Variants in RAPGEF4 observed in about 807,000 individuals in gnomAD.
The protein encoded by RAPGEF4 is Rap guanine nucleotide exchange factor 4.
A neutral mutation model predicts 147.9 loss-of-function variants in RAPGEF4; 66 were observed. The ratio of observed to expected loss-of-function variants is 0.45; its 90% CI spans 0.37 to 0.55. RAPGEF4 has a LOEUF of 0.55. Among genes scored for constraint, RAPGEF4 ranks in the 20% least tolerant of loss-of-function variants. The probability of loss-of-function intolerance (pLI) is 0.00; values close to 1 mark genes in which losing one functional copy is unlikely to be tolerated. For synonymous variants in RAPGEF4, 419 were observed against 442.7 expected (o/e 0.95, Z 0.67); for missense variants, 1,071 against 1,257.3 (o/e 0.85, Z 2.24).
rs1181316803 is a variant in RAPGEF4 at position 172,795,009 on chromosome 2, T to C, written c.66-16T>C. On this transcript the variant is annotated splice_polypyrimidine_tract_variant and intron_variant, in intron 1 of 30. Coordinates refer to ENST00000397081, the MANE Select transcript of RAPGEF4 (RefSeq NM_007023.4). ...TCTTTACTGACATAGCTTTTGTGCC[T>C]TTTCTCCCTATACAGACCACTGGAG... 6.3e-7 allele frequency: 1 copy of C among 1,589,340 alleles called. No homozygotes were observed. The highest frequency in any genetic ancestry group is 2.3e-5 in the East Asian group (1 of 44,226).
chr2:172,754,582 G>A (rs1325194713), intron 1 of RAPGEF4, among the ~76,000 whole-genome samples: 4 of 152,062 alleles, frequency 2.6e-5, no homozygotes, highest in African/African-American at 7.2e-5. Context: ...TAAATTACTC[G>A]TCCAGGGTCA....
At chr2:172,766,390 A>G (rs944383140) in intron 1 of RAPGEF4, among the ~76,000 whole-genome samples, 1 of 152,106 alleles carries the variant, frequency 6.6e-6, no homozygotes, top group Non-Finnish European at 1.5e-5. Context: ...CGTCTCTACT[A>G]AAAATACTAA....
Position 172,990,841 on chromosome 2 carries a change from A to T in RAPGEF4, c.1406A>T (p.Glu469Val). 1 of 1,614,034 alleles carries T rather than the reference A, an allele frequency of 6.2e-7. No individual in the cohort carries two copies. The highest frequency in any genetic ancestry group is 8.5e-7 in the Non-Finnish European group (1 of 1,179,944). ...GAGGCGAATACAGTCAGACTTAAAG[A>T]ACATGACCAAGATGTCTTGGTGCTG... ...DVEANTVRLK[E>V]HDQDVLVLEK... The change falls in exon 15 of 31, where the codon GAA becomes GTA. Residue 469 changes from glutamate (E) to valine (V), a missense_variant. Glu to Val is a moderately radical substitution (Grantham distance 121). Coordinates refer to ENST00000397081, the MANE Select transcript of RAPGEF4 (RefSeq NM_007023.4).
chr2:172,811,765 G>T (rs1228043636), intron 3 of RAPGEF4, among the ~76,000 whole-genome samples: 1 of 152,124 alleles, frequency 6.6e-6, no homozygotes, highest in African/African-American at 2.4e-5. Context: ...TATTCATCCT[G>T]TCCATTCTTA....
intron 29 of RAPGEF4, among the ~76,000 whole-genome samples, chr2:173,047,614 C>T (rs879769626): frequency 1.3e-5 from 2 of 151,768 alleles, no homozygotes; most frequent in Non-Finnish European, 2.9e-5. Flanking sequence ...CAAGATTACT[C>T]TGTGAAGTAA....
chr2:173,042,957 G>A lies in RAPGEF4; in HGVS notation c.2854-5643G>A, dbSNP rs1684951005. On this transcript the variant is annotated intron_variant, in intron 29 of 30. Transcript: ENST00000397081. The surrounding 1 kb of genome is among the most constrained non-coding windows in gnomAD (Gnocchi z 4.2). ...ATACTAAAGATCTGTAGGGAGACCGGACTCAGGGCTCCTCCTCAATGATGC... is the reference window on the plus strand; with the variant it reads ...ATACTAAAGATCTGTAGGGAGACCGAACTCAGGGCTCCTCCTCAATGATGC... Among the ~76,000 whole-genome samples the A allele has an allele frequency of 6.6e-6, 1 of 152,214 alleles. No individual in the cohort carries two copies. The highest frequency in any genetic ancestry group is 1.5e-5 in the Non-Finnish European group (1 of 68,038).
intron 1 of RAPGEF4, among the ~76,000 whole-genome samples, chr2:172,740,501 G>A (rs958408063): frequency 6.6e-6 from 1 of 152,180 alleles, no homozygotes; most frequent in Non-Finnish European, 1.5e-5. Context: ...CCAAATAGAT[G>A]TTATTTTAGC....
At chr2:172,822,798 C>T (rs1053963209) in intron 4 of RAPGEF4, among the ~76,000 whole-genome samples, 1 of 152,246 alleles carries the variant, frequency 6.6e-6, no homozygotes, top group Non-Finnish European at 1.5e-5. Flanking sequence ...CTCCCCTGCA[C>T]TGTTCTCTTA....
At chr2:172,754,011 T>TG (rs1401901379) in intron 1 of RAPGEF4, among the ~76,000 whole-genome samples, 1 of 152,228 alleles carries the variant, frequency 6.6e-6, no homozygotes, top group Non-Finnish European at 1.5e-5. Context: ...CAGGAGCTTG[T>TG]GAAAAGTTAC....
intron 4 of RAPGEF4, among the ~76,000 whole-genome samples, chr2:172,892,131 C>T (rs1416956469): frequency 3.3e-5 from 5 of 152,034 alleles, no homozygotes; most frequent in African/African-American, 1.2e-4. Flanking sequence ...AGGAGCAGGG[C>T]GGATGTGAGG....
intron 6 of RAPGEF4, among the ~76,000 whole-genome samples, chr2:172,945,323 A>G (rs1049429964): frequency 3.3e-5 from 5 of 152,160 alleles, no homozygotes; most frequent in African/African-American, 1.2e-4. Context: ...CAAAGGCTTA[A>G]AAGGTTTCTT....
At chr2:173,011,516 A>G (rs1695023925) in intron 17 of RAPGEF4, among the ~76,000 whole-genome samples, 1 of 152,114 alleles carries the variant, frequency 6.6e-6, no homozygotes, top group South Asian at 2.1e-4. Flanking sequence ...CTCTATACAC[A>G]TGTTATCATA....
intron 27 of RAPGEF4, among the ~76,000 whole-genome samples, chr2:173,035,866 A>G (rs1683930760): frequency 6.6e-6 from 1 of 152,230 alleles, no homozygotes; most frequent in Admixed American, 6.5e-5. Flanking sequence ...AGGGAAGTGT[A>G]TCATCATAAA....
intron 1 of RAPGEF4, among the ~76,000 whole-genome samples, chr2:172,739,246 A>T (rs987654379): frequency 6.6e-6 from 1 of 151,862 alleles, no homozygotes; most frequent in Non-Finnish European, 1.5e-5. Context: ...GGATCTTACC[A>T]TTTTTTTCTG....
At chr2:172,766,173 A>G (rs1696816049) in intron 1 of RAPGEF4, among the ~76,000 whole-genome samples, 1 of 151,982 alleles carries the variant, frequency 6.6e-6, no homozygotes, top group Admixed American at 6.6e-5. Flanking sequence ...ACTTTTATTT[A>G]TGTATTTATC....
At chr2:172,912,267 T>C (rs1683509278) in intron 4 of RAPGEF4, among the ~76,000 whole-genome samples, 1 of 152,202 alleles carries the variant, frequency 6.6e-6, no homozygotes, top group Admixed American at 6.5e-5. Context: ...TCTTAATAGG[T>C]TTCTTATGTA....
chr2:172,854,660 T>G lies in RAPGEF4; in HGVS notation c.444+40235T>G, dbSNP rs577353816. Among the ~76,000 whole-genome samples the G allele has an allele frequency of 1.6e-4, 24 of 152,238 alleles. 1 individual carries two copies. In the South Asian group the frequency reaches 5.0e-3, roughly 32 times the overall value. ...CATATGCTTTTTTATTCCTCTCTCT[T>G]CCTTTCTTGCCTTATTTTGGATTAA... On this transcript the variant is annotated intron_variant, in intron 4 of 30. Coordinates refer to ENST00000397081, the MANE Select transcript of RAPGEF4 (RefSeq NM_007023.4).
At chr2:172,977,572 G>A (rs1410651051) in intron 10 of RAPGEF4, among the ~76,000 whole-genome samples, 3 of 152,052 alleles carry the variant, frequency 2.0e-5, no homozygotes, top group East Asian at 3.9e-4. Flanking sequence ...CTGCTGCCAC[G>A]AACACTGAGC....
intron 1 of RAPGEF4, among the ~76,000 whole-genome samples, chr2:172,757,894 T>C (rs370717078): frequency 2.6e-5 from 4 of 152,216 alleles, no homozygotes; most frequent in African/African-American, 9.6e-5. Context: ...GAGTTTATAA[T>C]TGAACAAAAC....
Sources: allele counts gnomAD v4.1 joint callset (sites outside exome capture counted in the v4.1 genomes callset), GRCh38; gene constraint gnomAD v4.1.1; non-coding constraint Gnocchi (gnomAD v3.1); transcripts MANE v1.5; gene names NCBI Gene and HGNC (gene_info 2026-07-23, HGNC 2026-07-21).